Variants in DNAH11 observed in about 807,000 individuals in gnomAD.
DNAH11 encodes the protein dynein axonemal heavy chain 11.
In DNAH11, 442 loss-of-function variants were observed where a neutral mutation model predicts 526.0. That is an observed-to-expected ratio of 0.84 (90% CI 0.78 to 0.91). DNAH11 has a LOEUF of 0.91. Among genes scored for constraint, DNAH11 ranks in the 40% least tolerant of loss-of-function variants. The pLI, the probability that DNAH11 is intolerant of heterozygous loss-of-function variation, is 0.00. For synonymous variants in DNAH11, 2,461 were observed against 1,935.9 expected, an observed-to-expected ratio of 1.27 and a Z score of -7.12; for missense variants, 6,989 against 5,448.7, an observed-to-expected ratio of 1.28 and a Z score of -8.90.
chr7:21,593,750 G>A (rs1330036833), intron 14 of DNAH11, among the ~76,000 whole-genome samples: 3 of 152,000 alleles, frequency 2.0e-5, no homozygotes, highest in African/African-American at 7.3e-5. Context: ...AGGAAAAAAG[G>A]GATAGGAATG....
At chr7:21,701,581 C>T (rs1404475090) in intron 36 of DNAH11, among the ~76,000 whole-genome samples, 2 of 152,230 alleles carry the variant, frequency 1.3e-5, no homozygotes, top group Non-Finnish European at 2.9e-5. Context: ...TGAGCCACCA[C>T]ACTCAGCCAC....
At chr7:21,651,808 A>G (rs1406259032) in intron 28 of DNAH11, among the ~76,000 whole-genome samples, 1 of 152,270 alleles carries the variant, frequency 6.6e-6, no homozygotes, top group Admixed American at 6.5e-5. Context: ...CATAAAGCAC[A>G]TAGTTGATTA....
Position 21,807,872 on chromosome 7 carries a change from C to G in DNAH11, c.10166-11C>G. ...TGCAATTACAGCTGAGTAATTTCAT[C>G]TTTCAGTCAGAGAAGATTCGCTGGG... is the stretch of plus-strand genomic sequence containing the variant. On this transcript the variant is annotated splice_polypyrimidine_tract_variant and intron_variant, in intron 62 of 81. Coordinates refer to ENST00000409508, the MANE Select transcript of DNAH11 (RefSeq NM_001277115.2). 1 of 1,581,494 alleles carries G rather than the reference C, an allele frequency of 6.3e-7. No individual in the cohort carries two copies. Among genetic ancestry groups the G allele is most frequent in the Non-Finnish European group, 8.7e-7 (1 of 1,155,056 alleles).
intron 76 of DNAH11, among the ~76,000 whole-genome samples, chr7:21,886,603 C>A (rs1052641205): frequency 1.8e-4 from 28 of 152,170 alleles, no homozygotes; most frequent in Non-Finnish European, 3.4e-4. Context: ...GCCAGGCATG[C>A]GACCTTTACA....
intron 68 of DNAH11, among the ~76,000 whole-genome samples, chr7:21,856,463 A>G (rs989856945): frequency 2.0e-5 from 3 of 152,226 alleles, no homozygotes; most frequent in Admixed American, 6.5e-5. Flanking sequence ...GGAGAAGAGT[A>G]AAACTAAATC....
rs376297805 is a variant in DNAH11, at chr7:21,564,150, A to G, written c.983-36A>G. ...GAATTTAGAAAAAAAAAAAAAACAA[A>G]CCAGAATCACGTTAATGGTGGTTCT... On this transcript the variant is annotated intron_variant, in intron 5 of 81. Coordinates refer to ENST00000409508, the MANE Select transcript of DNAH11 (RefSeq NM_001277115.2). The G allele has an allele frequency of 1.0e-5, 15 of 1,461,174 alleles. No individual in the cohort carries two copies. The African/African-American group carries it at 1.9e-4, about 18-fold the overall frequency. The allele number at this position is 1,461,174 out of a possible 1,614,324, so 90.5% of individuals were successfully genotyped here.
intron 45 of DNAH11, among the ~76,000 whole-genome samples, chr7:21,728,237 C>CCTTT (rs1785218570): frequency 3.4e-5 from 2 of 58,870 alleles, no homozygotes; most frequent in African/African-American, 1.5e-4. Context: ...GCCCACAATT[C>CCTTT]TTTTTTTTTT....
intron 55 of DNAH11, among the ~76,000 whole-genome samples, chr7:21,769,642 G>T (rs563753306): frequency 6.6e-6 from 1 of 151,818 alleles, no homozygotes; most frequent in Admixed American, 6.6e-5. Context: ...ACACCACCAC[G>T]CCCTGCTAAT....
At chr7:21,605,571 A>T (rs1049978226) in intron 18 of DNAH11, among the ~76,000 whole-genome samples, 1 of 152,220 alleles carries the variant, frequency 6.6e-6, no homozygotes, top group Non-Finnish European at 1.5e-5. Flanking sequence ...AAAAACTCCT[A>T]GTCCCCTAAA....
chr7:21,580,400 T>G (rs918164641), intron 8 of DNAH11, among the ~76,000 whole-genome samples: 7 of 152,238 alleles, frequency 4.6e-5, no homozygotes, highest in Admixed American at 2.6e-4. Context: ...ATGCTAAATA[T>G]AACATTGTGG....
At chr7:21,892,746 AAATC>A in intron 77 of DNAH11, 79 bp downstream of exon 77, 3 of 1,441,866 alleles carry the variant, frequency 2.1e-6, no homozygotes, top group Middle Eastern at 2.3e-4. Context: ...TTAATTGTGC[AAATC>A]AATAAGTTTT....
intron 2 of DNAH11, among the ~76,000 whole-genome samples, chr7:21,550,487 G>C (rs6975736): frequency 0.46 from 69,977 of 151,956 alleles, 17,258 homozygotes; most frequent in East Asian, 0.74. Flanking sequence ...AACTTGTAGA[G>C]GGATAATCCC....
chr7:21,824,503 C>G (rs1562567872), intron 65 of DNAH11, among the ~76,000 whole-genome samples: 1 of 151,994 alleles, frequency 6.6e-6, no homozygotes, highest in Non-Finnish European at 1.5e-5. Flanking sequence ...TAGAATGTGA[C>G]AGGCATATGA....
chr7:21,615,674 G>T (rs374296852), intron 21 of DNAH11, among the ~76,000 whole-genome samples: 4 of 152,014 alleles, frequency 2.6e-5, no homozygotes, highest in Non-Finnish European at 4.4e-5. Context: ...AAAATAATTT[G>T]TATGTGGTTA....
At position 21,818,289 on chromosome 7, in the gene DNAH11, A is replaced by C. The variant is rs368052967; in HGVS notation, c.10641A>C (p.Ile3547=). The change falls in exon 65 of 82, where the codon ATA becomes ATC. Residue 3547 remains isoleucine, a synonymous_variant. Transcript: ENST00000409508. ...VILIENLEET[I]DPVLDPLLGR... Reference sequence around the variant, plus strand: ...TAATTGAAAATCTCGAGGAAACGATAGATCCAGTCCTGGATCCACTACTTG... The same window carrying C: ...TAATTGAAAATCTCGAGGAAACGATCGATCCAGTCCTGGATCCACTACTTG... 68 of 1,612,368 alleles carry C rather than the reference A, an allele frequency of 4.2e-5. No homozygotes were observed. The highest frequency in any genetic ancestry group is 5.8e-5 in the Non-Finnish European group (68 of 1,179,048).
intron 65 of DNAH11, among the ~76,000 whole-genome samples, chr7:21,830,869 T>G (rs1317219630): frequency 6.6e-6 from 1 of 152,226 alleles, no homozygotes; most frequent in African/African-American, 2.4e-5. Context: ...TATATGGTAT[T>G]TGTACTCAGA....
At position 21,741,967 on chromosome 7, in the gene DNAH11, A is replaced by G. The variant is rs768589366; in HGVS notation, c.7955A>G (p.Asp2652Gly). The change falls in exon 49 of 82, where the codon GAT becomes GGT. Residue 2652 changes from aspartate (D) to glycine (G), a missense_variant. Asp to Gly is a moderately conservative substitution (Grantham distance 94). Transcript: ENST00000409508. The part of the protein sequence containing the change: ...TVFAFNFPSL[D>G]ALNTIYGQIF... Reference sequence around the variant, plus strand: ...TTTGCATTCAATTTTCCATCTTTGGATGCACTAAACACCATCTATGGCCAA... The same window carrying G: ...TTTGCATTCAATTTTCCATCTTTGGGTGCACTAAACACCATCTATGGCCAA... The G allele has an allele frequency of 1.2e-6, 2 of 1,613,868 alleles. No individual in the cohort carries two copies. Among genetic ancestry groups the G allele is most frequent in the South Asian group, 1.1e-5 (1 of 91,072 alleles).
chr7:21,872,879 C>G (rs1783555709), intron 73 of DNAH11, among the ~76,000 whole-genome samples: 1 of 152,116 alleles, frequency 6.6e-6, no homozygotes, highest in African/African-American at 2.4e-5. Context: ...ACATTTCTGG[C>G]TTTTAGTTTT....
chr7:21,625,626 A>C (rs1329807114), intron 25 of DNAH11, among the ~76,000 whole-genome samples: 1 of 151,958 alleles, frequency 6.6e-6, no homozygotes, highest in African/African-American at 2.4e-5. Context: ...TGTTGTTGTA[A>C]ACACTTATTG....
Sources: allele counts gnomAD v4.1 joint callset (sites outside exome capture counted in the v4.1 genomes callset), GRCh38; gene constraint gnomAD v4.1.1; transcripts MANE v1.5; gene names NCBI Gene and HGNC (gene_info 2026-07-23, HGNC 2026-07-21).